CACNB2: variants seen among roughly 807,000 people sequenced by gnomAD.
CACNB2 encodes the protein calcium voltage-gated channel auxiliary subunit beta 2, also known as voltage-dependent L-type calcium channel subunit beta-2.
CACNB2 carries 42 observed loss-of-function variants against 73.3 expected under a neutral mutation model. That is an observed-to-expected ratio of 0.57 (90% CI 0.45 to 0.74). The LOEUF is 0.74. Among genes scored for constraint, CACNB2 ranks in the 30% least tolerant of loss-of-function variants. CACNB2 has a pLI of 0.00. For missense variants in CACNB2, 940 were observed against 853.0 expected, an observed-to-expected ratio of 1.10 and a Z score of -1.27; for synonymous variants, 348 against 310.3, an observed-to-expected ratio of 1.12 and a Z score of -1.28.
At chr10:18,203,640 G>A (rs578097078) in intron 2 of CACNB2, among the ~76,000 whole-genome samples, 54 of 152,190 alleles carry the variant, frequency 3.5e-4, no homozygotes, top group South Asian at 3.1e-3. Flanking sequence ...ATAACGGGGC[G>A]AGTGATCGTT....
intron 2 of CACNB2, among the ~76,000 whole-genome samples, chr10:18,319,610 T>C (rs1047557108): frequency 5.9e-5 from 9 of 152,136 alleles, no homozygotes; most frequent in African/African-American, 2.2e-4. Flanking sequence ...AGCTTAATAT[T>C]TTAAAAAATA....
chr10:18,438,877 T>C (rs556033347), intron 3 of CACNB2, among the ~76,000 whole-genome samples: 1 of 152,364 alleles, frequency 6.6e-6, no homozygotes, highest in African/African-American at 2.4e-5. Flanking sequence ...TCCTCCCATG[T>C]GAGTGTGCTA....
chr10:18,539,426 G>T lies in CACNB2; in HGVS notation c.1685G>T (p.Ser562Ile). ...QETFDSETQE[S>I]RDSAYVEPKE... is the part of the protein sequence containing the mutation. ...ACATTTGACTCGGAAACCCAGGAGA[G>T]TCGAGACTCTGCCTACGTAGAGCCA... is the stretch of plus-strand genomic sequence containing the variant. Residue 562 changes from serine to isoleucine, a missense_variant, in exon 14 of 14, where the codon AGT becomes ATT. Transcript: ENST00000324631. 6.2e-7 allele frequency: 1 copy of T among 1,614,046 alleles called. No individual in the cohort carries two copies. The highest frequency in any genetic ancestry group is 8.5e-7 in the Non-Finnish European group (1 of 1,180,010).
intron 3 of CACNB2, among the ~76,000 whole-genome samples, chr10:18,439,489 G>A (rs1274214944): frequency 6.6e-6 from 1 of 152,158 alleles, no homozygotes; most frequent in East Asian, 1.9e-4. Flanking sequence ...CTTATGGCAA[G>A]GTCGCATATT....
chr10:18,275,929 C>T (rs61842671), intron 2 of CACNB2, among the ~76,000 whole-genome samples: 23,473 of 152,146 alleles, frequency 0.15, 1,935 homozygotes, highest in East Asian at 0.22. Context: ...TTTCAAAATA[C>T]GTTACTTAAT....
intron 2 of CACNB2, among the ~76,000 whole-genome samples, chr10:18,229,904 A>G (rs546225718): frequency 6.6e-6 from 1 of 152,334 alleles, no homozygotes; most frequent in African/African-American, 2.4e-5. Flanking sequence ...AAACTGGAAT[A>G]TGCCATGCAA....
At chr10:18,504,571 C>G (rs1384378661) in intron 5 of CACNB2, among the ~76,000 whole-genome samples, 1 of 151,992 alleles carries the variant, frequency 6.6e-6, no homozygotes, top group Non-Finnish European at 1.5e-5. Context: ...TTATTTTGGC[C>G]CAAGATTTTG....
Position 18,539,407 on chromosome 10 carries a change from GACTCGGAA to G in CACNB2, c.1669_1676del (p.Ser557ProfsTer18). Reference sequence around the variant, plus strand: ...CGGCCTCTCCAGGCAAGAGACATTTGACTCGGAAACCCAGGAGAGTCGAGACTCTGCCT... The same window carrying G: ...CGGCCTCTCCAGGCAAGAGACATTTGACCCAGGAGAGTCGAGACTCTGCCT... On this transcript the variant is annotated frameshift_variant, in exon 14 of 14. Transcript: ENST00000324631. LOFTEE classifies it high-confidence loss of function. The G allele has an allele frequency of 6.2e-7, 1 of 1,614,066 alleles. No homozygotes were observed. Among genetic ancestry groups the G allele is most frequent in the South Asian group, 1.1e-5 (1 of 91,062 alleles).
At chr10:18,530,010 A>C (rs1385673905) in intron 10 of CACNB2, among the ~76,000 whole-genome samples, 1 of 152,194 alleles carries the variant, frequency 6.6e-6, no homozygotes, top group East Asian at 1.9e-4. Flanking sequence ...GGCAAGAGAG[A>C]GCATGTGCAG....
chr10:18,267,756 A>G (rs143695370), intron 2 of CACNB2, among the ~76,000 whole-genome samples: 2 of 152,236 alleles, frequency 1.3e-5, no homozygotes, highest in African/African-American at 2.4e-5. Flanking sequence ...GTTCAGGGTC[A>G]TGGGACCCTC....
chr10:18,498,666 C>T (rs1409056598), intron 4 of CACNB2, 189 bp downstream of exon 4: 6 of 623,518 alleles, frequency 9.6e-6, no homozygotes, highest in Non-Finnish European at 1.7e-5. Flanking sequence ...GGAAAGAAGT[C>T]ACAGGCCTCT....
intron 2 of CACNB2, among the ~76,000 whole-genome samples, chr10:18,237,170 A>G (rs898707016): frequency 3.9e-5 from 6 of 152,274 alleles, no homozygotes; most frequent in Non-Finnish European, 8.8e-5. Flanking sequence ...TAGGAATAGA[A>G]AAAGGTGGTG....
At chr10:18,499,423 C>G (rs2050044889) in intron 4 of CACNB2, among the ~76,000 whole-genome samples, 1 of 151,934 alleles carries the variant, frequency 6.6e-6, no homozygotes, top group Admixed American at 6.6e-5. Context: ...GAAGACCATC[C>G]TGGCCAACAT....
chr10:18,525,430 T>C (rs1015725618), intron 9 of CACNB2, among the ~76,000 whole-genome samples: 1 of 152,182 alleles, frequency 6.6e-6, no homozygotes, highest in Non-Finnish European at 1.5e-5. Context: ...CTGATTGAAA[T>C]AGTTTTCCCT....
intron 2 of CACNB2, among the ~76,000 whole-genome samples, chr10:18,316,760 T>C (rs2040202508): frequency 1.3e-5 from 2 of 152,234 alleles, no homozygotes; most frequent in South Asian, 4.2e-4. Context: ...CCAGACCTGG[T>C]CCCTAGGAAA....
intron 2 of CACNB2, among the ~76,000 whole-genome samples, chr10:18,159,204 G>A (rs1310557425): frequency 6.6e-6 from 1 of 151,964 alleles, no homozygotes; most frequent in Non-Finnish European, 1.5e-5. Flanking sequence ...CCACAGCATG[G>A]CCATTTTCAT....
chr10:18,537,516 C>G (rs1312271239), intron 12 of CACNB2, among the ~76,000 whole-genome samples: 2 of 152,030 alleles, frequency 1.3e-5, no homozygotes, highest in Non-Finnish European at 2.9e-5. Context: ...GTGGCTCATA[C>G]CTGTAATCCC....
chr10:18,465,574 T>C (rs1441478675), intron 3 of CACNB2, among the ~76,000 whole-genome samples: 4 of 152,182 alleles, frequency 2.6e-5, no homozygotes, highest in Non-Finnish European at 5.9e-5. Context: ...CCTACCTTCA[T>C]GTGGTCCTGG....
chr10:18,291,445 C>G (rs1164580265), intron 2 of CACNB2, among the ~76,000 whole-genome samples: 2 of 152,204 alleles, frequency 1.3e-5, no homozygotes, highest in Non-Finnish European at 2.9e-5. Flanking sequence ...AGGGACTACT[C>G]CACTTCGGAT....
Sources: allele counts gnomAD v4.1 joint callset (sites outside exome capture counted in the v4.1 genomes callset), GRCh38; gene constraint gnomAD v4.1.1; transcripts MANE v1.5; gene names NCBI Gene and HGNC (gene_info 2026-07-23, HGNC 2026-07-21).